Variants in SERPINI1 observed in about 807,000 individuals in gnomAD.
The protein encoded by SERPINI1 is serpin family I member 1.
Under a neutral mutation model 41.1 loss-of-function variants are expected in SERPINI1, and 19 were observed. The ratio of observed to expected loss-of-function variants is 0.46; its 90% CI spans 0.32 to 0.68. The LOEUF (loss-of-function observed/expected upper bound fraction) is 0.68, where lower values mean the gene tolerates loss of function less well. Among genes scored for constraint, SERPINI1 ranks in the 30% least tolerant of loss-of-function variants. SERPINI1 has a pLI of 0.03. For missense variants in SERPINI1, 460 were observed against 479.2 expected, an observed-to-expected ratio of 0.96 and a Z score of 0.37; for synonymous variants, 138 against 156.6, an observed-to-expected ratio of 0.88 and a Z score of 0.89.
chr3:167,762,228 C>A (rs987577310), intron 1 of SERPINI1, among the ~76,000 whole-genome samples: 1 of 152,134 alleles, frequency 6.6e-6, no homozygotes, highest in Non-Finnish European at 1.5e-5. Flanking sequence ...AAGGTCAATG[C>A]CTCTGCTTGT....
At chr3:167,746,771 G>T (rs1317707729) in intron 1 of SERPINI1, among the ~76,000 whole-genome samples, 2 of 152,196 alleles carry the variant, frequency 1.3e-5, no homozygotes, top group Non-Finnish European at 2.9e-5. Context: ...AAAAAGTACT[G>T]GTGAGGATGT....
intron 1 of SERPINI1, among the ~76,000 whole-genome samples, chr3:167,772,105 G>T (rs1474361612): frequency 6.6e-6 from 1 of 152,046 alleles, no homozygotes; most frequent in Admixed American, 6.5e-5. Flanking sequence ...TCTACAAATG[G>T]GGTTGCTTCC....
Position 167,822,987 on chromosome 3 carries a change from T to C in SERPINI1, c.981T>C (p.Asp327=), listed in dbSNP as rs756426549. 2.5e-6 allele frequency: 4 copies of C among 1,585,362 alleles called. No individual in the cohort carries two copies. The highest frequency in any genetic ancestry group is 2.2e-5 in the East Asian group (1 of 44,738). Residue 327 remains aspartate (D), a splice_region_variant and synonymous_variant, in exon 7 of 9, where the codon GAT becomes GAC. Transcript: ENST00000446050. ...AAATTTCTGATTCTCTTTTTGCAGA[T>C]AATAAGGAGATTTTTCTTTCCAAAG... ...IKDANLTGLS[D]NKEIFLSKAI...
intron 4 of SERPINI1, 32 bp downstream of exon 4, chr3:167,792,816 C>A: frequency 6.6e-7 from 1 of 1,519,374 alleles, no homozygotes; most frequent in African/African-American, 1.4e-5. Flanking sequence ...TTTCTCTCTT[C>A]TTGCAGAATA....
At chr3:167,799,151 T>C (rs998199561) in intron 5 of SERPINI1, among the ~76,000 whole-genome samples, 1 of 151,272 alleles carries the variant, frequency 6.6e-6, no homozygotes, top group Non-Finnish European at 1.5e-5. Flanking sequence ...CATCAACCCA[T>C]CACCTACATT....
chr3:167,780,133 A>G (rs1490439507), intron 1 of SERPINI1, among the ~76,000 whole-genome samples: 2 of 152,166 alleles, frequency 1.3e-5, no homozygotes, highest in East Asian at 1.9e-4. Flanking sequence ...TCCCTCAGTA[A>G]ACAACGGTTT....
chr3:167,760,093 A>C (rs1726330599), intron 1 of SERPINI1, among the ~76,000 whole-genome samples: 1 of 152,140 alleles, frequency 6.6e-6, no homozygotes, highest in Non-Finnish European at 1.5e-5. Flanking sequence ...ACACGTGTAC[A>C]TATATGAAAA....
chr3:167,772,222 C>A (rs1268231267), intron 1 of SERPINI1, among the ~76,000 whole-genome samples: 2 of 152,078 alleles, frequency 1.3e-5, no homozygotes, highest in Non-Finnish European at 2.9e-5. Context: ...AATGAATGAT[C>A]CTTGGGGAGA....
chr3:167,797,249 T>G (rs1560011593), intron 5 of SERPINI1, among the ~76,000 whole-genome samples: 1 of 152,212 alleles, frequency 6.6e-6, no homozygotes, highest in South Asian at 2.1e-4. Context: ...ATATTAGACC[T>G]TTGTCAGATG....
intron 1 of SERPINI1, among the ~76,000 whole-genome samples, chr3:167,774,444 T>C (rs192366355): frequency 6.6e-6 from 1 of 152,154 alleles, no homozygotes; most frequent in Admixed American, 6.5e-5. Context: ...AAAGTGAACC[T>C]ATACATTTCA....
At chr3:167,785,368 G>A (rs1489336152) in intron 1 of SERPINI1, among the ~76,000 whole-genome samples, 1 of 152,172 alleles carries the variant, frequency 6.6e-6, no homozygotes, top group Admixed American at 6.5e-5. Flanking sequence ...GACTTGCTGA[G>A]GGTCAAACAG....
At chr3:167,817,660 G>A (rs1003979625) in intron 6 of SERPINI1, among the ~76,000 whole-genome samples, 6 of 151,836 alleles carry the variant, frequency 4.0e-5, no homozygotes, top group South Asian at 2.1e-4. Context: ...TGCAGTGGCC[G>A]GATCTCGGCT....
chr3:167,825,099 G>A, intron 8 of SERPINI1, 148 bp from the exon 9 acceptor site: 2 of 691,614 alleles, frequency 2.9e-6, no homozygotes, highest in South Asian at 1.6e-5. Flanking sequence ...AAGGAAGAGA[G>A]AGAGGAAGGA....
At chr3:167,755,760 T>C (rs977360984) in intron 1 of SERPINI1, among the ~76,000 whole-genome samples, 1 of 151,992 alleles carries the variant, frequency 6.6e-6, no homozygotes, top group Non-Finnish European at 1.5e-5. Flanking sequence ...CTAAAGCCTA[T>C]ATTATTAGCT....
At chr3:167,743,477 C>T (rs533898214) in intron 1 of SERPINI1, among the ~76,000 whole-genome samples, 15 of 152,104 alleles carry the variant, frequency 9.9e-5, no homozygotes, top group Non-Finnish European at 1.8e-4. Context: ...ATCAAAGATA[C>T]TGACTTGGCA....
chr3:167,776,932 G>A (rs1726985084), intron 1 of SERPINI1, among the ~76,000 whole-genome samples: 1 of 152,190 alleles, frequency 6.6e-6, no homozygotes, highest in East Asian at 1.9e-4. Flanking sequence ...CTTGGACTCT[G>A]TCCTTGACCT....
At position 167,814,734 on chromosome 3, in the gene SERPINI1, G is replaced by T. The variant is rs533856604; in HGVS notation, c.979+7393G>T. Reference sequence around the variant, plus strand: ...ACTAAGTGACTGAATGAATGCCTTTGTAGTCTTGCCCTGCTTTTTTCAGAA... The same window carrying T: ...ACTAAGTGACTGAATGAATGCCTTTTTAGTCTTGCCCTGCTTTTTTCAGAA... On this transcript the variant is annotated intron_variant, in intron 6 of 8. Coordinates refer to ENST00000446050, the MANE Select transcript of SERPINI1 (RefSeq NM_001122752.2). 1.7e-4 allele frequency among the ~76,000 whole-genome samples: 26 copies of T among 152,306 alleles called. 1 individual carries two copies. In the South Asian group the frequency reaches 2.3e-3, roughly 13 times the overall value.
intron 5 of SERPINI1, among the ~76,000 whole-genome samples, chr3:167,799,457 G>T (rs188319591): frequency 6.6e-6 from 1 of 152,314 alleles, no homozygotes; most frequent in Non-Finnish European, 1.5e-5. Context: ...GGACATTTGG[G>T]TTGGTTCCAA....
At chr3:167,746,073 A>G (rs1348484670) in intron 1 of SERPINI1, among the ~76,000 whole-genome samples, 1 of 152,164 alleles carries the variant, frequency 6.6e-6, no homozygotes, top group Non-Finnish European at 1.5e-5. Context: ...ACTCACATAG[A>G]AATGCAAGGA....
Sources: gnomAD v4.1 joint callset for allele counts (sites outside exome capture counted in the v4.1 genomes callset) on GRCh38, gnomAD v4.1.1 for gene constraint, MANE v1.5 for transcripts, NCBI Gene and HGNC (gene_info 2026-07-23, HGNC 2026-07-21) for gene names.